Variants in DPYD observed in about 807,000 individuals in gnomAD.
DPYD encodes dihydropyrimidine dehydrogenase [NADP(+)].
Under a neutral mutation model 116.2 loss-of-function variants are expected in DPYD, and 109 were observed. That is an observed-to-expected ratio of 0.94 (90% CI 0.80 to 1.10). The LOEUF (loss-of-function observed/expected upper bound fraction) is 1.10, where lower values mean the gene tolerates loss of function less well. Ranked by LOEUF, DPYD falls within the 50% of genes least tolerant of loss-of-function variation. The pLI is 0.00. For missense variants in DPYD, 1,302 were observed against 1,254.5 expected (o/e 1.04, Z -0.57); for synonymous variants, 440 against 432.0 (o/e 1.02, Z -0.23).
intron 13 of DPYD, among the ~76,000 whole-genome samples, chr1:97,485,228 C>T (rs1006203273): frequency 2.0e-5 from 3 of 152,090 alleles, no homozygotes; most frequent in Admixed American, 6.6e-5. Context: ...GACAGAGTCT[C>T]GCTCTGTCTC....
chr1:97,539,660 A>G (rs1650281771), intron 12 of DPYD, among the ~76,000 whole-genome samples: 1 of 152,304 alleles, frequency 6.6e-6, no homozygotes, highest in Non-Finnish European at 1.5e-5. Flanking sequence ...AAATAACTCT[A>G]ATGATGTAAC....
intron 16 of DPYD, among the ~76,000 whole-genome samples, chr1:97,339,243 T>C (rs1278949561): frequency 3.9e-5 from 6 of 152,030 alleles, no homozygotes; most frequent in Non-Finnish European, 1.5e-5. Context: ...TTCTATCAAA[T>C]AGAAGTCATA....
At position 97,659,431 on chromosome 1, in the gene DPYD, A is replaced by G. The variant is rs576639986; in HGVS notation, c.850+19664T>C. On this transcript the variant is annotated intron_variant, in intron 8 of 22. Coordinates refer to ENST00000370192, the MANE Select transcript of DPYD (RefSeq NM_000110.4). ...ATTTGTATAAGAGTGGTATCAGCTC[A>G]ACATATTCAGTGATGGATATTATTT... 9.8e-5 allele frequency among the ~76,000 whole-genome samples: 15 copies of G among 152,308 alleles called. No individual in the cohort carries two copies. In the East Asian group the frequency reaches 2.9e-3, roughly 29 times the overall value.
intron 8 of DPYD, among the ~76,000 whole-genome samples, chr1:97,606,699 A>T (rs1486000684): frequency 6.6e-6 from 1 of 152,008 alleles, no homozygotes; most frequent in East Asian, 1.9e-4. Flanking sequence ...CATTTTAGGA[A>T]ATGATATAAT....
chr1:97,745,975 A>C (rs549839062), intron 3 of DPYD, among the ~76,000 whole-genome samples: 78 of 152,224 alleles, frequency 5.1e-4, no homozygotes, highest in Middle Eastern at 3.4e-3. Flanking sequence ...CTACAGTATT[A>C]TCTCTCCTGG....
chr1:97,345,653 G>A (rs1669804040), intron 16 of DPYD, among the ~76,000 whole-genome samples: 1 of 151,882 alleles, frequency 6.6e-6, no homozygotes, highest in South Asian at 2.1e-4. Context: ...TACCTCACTT[G>A]CAATTATGTG....
intron 18 of DPYD, among the ~76,000 whole-genome samples, chr1:97,276,738 A>G (rs1664957163): frequency 6.6e-6 from 1 of 152,030 alleles, no homozygotes; most frequent in Admixed American, 6.6e-5. Context: ...AGAAAAGGGA[A>G]TGCTTATACA....
intron 14 of DPYD, among the ~76,000 whole-genome samples, chr1:97,418,671 T>G (rs776451951): frequency 6.6e-6 from 1 of 152,080 alleles, no homozygotes; most frequent in Non-Finnish European, 1.5e-5. Context: ...AAGTAAAAAT[T>G]ATCAACATAA....
At chr1:97,794,710 C>T (rs1301328600) in intron 3 of DPYD, among the ~76,000 whole-genome samples, 5 of 152,112 alleles carry the variant, frequency 3.3e-5, no homozygotes, top group Non-Finnish European at 5.9e-5. Flanking sequence ...CAACTCTTTA[C>T]ATATTATACT....
chr1:97,753,403 C>T (rs1184170961), intron 3 of DPYD, among the ~76,000 whole-genome samples: 1 of 152,144 alleles, frequency 6.6e-6, no homozygotes, highest in Non-Finnish European at 1.5e-5. Context: ...AGGCTTGTCT[C>T]ACAGTTTGTG....
intron 18 of DPYD, among the ~76,000 whole-genome samples, chr1:97,239,727 G>A (rs1031905724): frequency 3.3e-5 from 5 of 151,992 alleles, no homozygotes; most frequent in African/African-American, 1.2e-4. Flanking sequence ...AGAGACAACT[G>A]GGCCAACTGT....
At chr1:97,373,430 C>T (rs966852111) in intron 16 of DPYD, 131 bp downstream of exon 16, 49 of 715,790 alleles carry the variant, frequency 6.8e-5, no homozygotes, top group Non-Finnish European at 9.6e-5. Flanking sequence ...AATATTTAAA[C>T]AATGCAGACC....
intron 5 of DPYD, chr1:97,700,277 T>A: frequency 2.2e-6 from 1 of 455,506 alleles, no homozygotes; most frequent in Non-Finnish European, 4.4e-6. Flanking sequence ...AGACACAGAG[T>A]TTTGGAAATG....
At chr1:97,225,992 CA>C (rs1293981587) in intron 19 of DPYD, among the ~76,000 whole-genome samples, 2 of 151,970 alleles carry the variant, frequency 1.3e-5, no homozygotes, top group African/African-American at 4.8e-5. Flanking sequence ...AAATCTTCAC[CA>C]AAGTAATAAC....
At chr1:97,568,926 T>C (rs1452879733) in intron 11 of DPYD, among the ~76,000 whole-genome samples, 13 of 139,702 alleles carry the variant, frequency 9.3e-5, no homozygotes, top group Non-Finnish European at 1.4e-4. Flanking sequence ...ATAAAATAGA[T>C]TCCGGAAGAT....
chr1:97,206,361 C>A (rs145176057), intron 19 of DPYD, among the ~76,000 whole-genome samples: 1 of 151,540 alleles, frequency 6.6e-6, no homozygotes, highest in African/African-American at 2.4e-5. Flanking sequence ...TGTTTTAAAC[C>A]CTGTTCAAAA....
At chr1:97,093,563 A>C (rs1254130890) in intron 21 of DPYD, among the ~76,000 whole-genome samples, 2 of 152,212 alleles carry the variant, frequency 1.3e-5, no homozygotes, top group Non-Finnish European at 2.9e-5. Flanking sequence ...TAACTCTATG[A>C]GGCAGATACT....
At chr1:97,763,970 T>A (rs1665717072) in intron 3 of DPYD, among the ~76,000 whole-genome samples, 1 of 152,218 alleles carries the variant, frequency 6.6e-6, no homozygotes, top group South Asian at 2.1e-4. Context: ...AGTTACTACA[T>A]ATTTTATTAA....
At chr1:97,376,125 T>C (rs1233202541) in intron 15 of DPYD, among the ~76,000 whole-genome samples, 3 of 152,176 alleles carry the variant, frequency 2.0e-5, no homozygotes, top group African/African-American at 7.2e-5. Flanking sequence ...TTACAATTGA[T>C]AAAACTGAGA....
Sources: gnomAD v4.1 joint callset for allele counts (sites outside exome capture counted in the v4.1 genomes callset) on GRCh38, gnomAD v4.1.1 for gene constraint, MANE v1.5 for transcripts, NCBI Gene and HGNC (gene_info 2026-07-23, HGNC 2026-07-21) for gene names.